TNRC6A: variants seen among roughly 807,000 people sequenced by gnomAD.
TNRC6A encodes trinucleotide repeat-containing gene 6A protein.
A neutral mutation model predicts 221.2 loss-of-function variants in TNRC6A; 44 were observed. The observed-to-expected ratio is 0.20, with a 90% CI of 0.16 to 0.26. The LOEUF is 0.26. Ranked by LOEUF, TNRC6A falls within the 10% of genes least tolerant of loss-of-function variation. TNRC6A has a pLI of 1.00. For missense variants in TNRC6A, 2,199 were observed against 2,404.4 expected, an observed-to-expected ratio of 0.91 and a Z score of 1.79; for synonymous variants, 847 against 838.5, an observed-to-expected ratio of 1.01 and a Z score of -0.18.
Position 24,816,970 on chromosome 16 carries a change from G to T in TNRC6A, c.4972+14G>T. 6.2e-7 allele frequency: 1 copy of T among 1,606,510 alleles called. No individual in the cohort carries two copies. Among genetic ancestry groups the T allele is most frequent in the African/African-American group, 1.3e-5 (1 of 74,748 alleles). Reference sequence around the variant, plus strand: ...ACAGGAACAGTGGTACGTAGGGGGTGCAAATCAATTTCTGAGTGACACTTA... The same window carrying T: ...ACAGGAACAGTGGTACGTAGGGGGTTCAAATCAATTTCTGAGTGACACTTA... On this transcript the variant is annotated intron_variant, in intron 20 of 24. Transcript: ENST00000395799.
chr16:24,799,903 G>T (rs1227517045), intron 11 of TNRC6A, among the ~76,000 whole-genome samples: 2 of 152,172 alleles, frequency 1.3e-5, no homozygotes, highest in African/African-American at 4.8e-5. Context: ...TCACTACTGG[G>T]TATGGAAATA....
intron 2 of TNRC6A, among the ~76,000 whole-genome samples, chr16:24,641,644 T>TA (rs1427485680): frequency 1.3e-5 from 2 of 152,214 alleles, no homozygotes; most frequent in Non-Finnish European, 2.9e-5. Context: ...CCAGTATTGA[T>TA]AAAACAAAAT....
intron 2 of TNRC6A, among the ~76,000 whole-genome samples, chr16:24,667,484 G>A (rs192375158): frequency 1.8e-4 from 27 of 152,276 alleles, no homozygotes; most frequent in East Asian, 7.7e-4. Context: ...GCAGGAAAAC[G>A]GATTTCTCTC....
chr16:24,764,362 T>G (rs2057427515), intron 4 of TNRC6A, among the ~76,000 whole-genome samples: 1 of 151,696 alleles, frequency 6.6e-6, no homozygotes, highest in Non-Finnish European at 1.5e-5. Context: ...AGTCTTGCTC[T>G]GTCGCCCAGG....
chr16:24,783,189 T>C (rs1401167957), intron 5 of TNRC6A, among the ~76,000 whole-genome samples: 5 of 151,958 alleles, frequency 3.3e-5, no homozygotes, highest in Non-Finnish European at 5.9e-5. Flanking sequence ...AGTGCAGTGG[T>C]GCGATCTCTG....
intron 22 of TNRC6A, 92 bp downstream of exon 22, chr16:24,820,452 A>G: frequency 8.8e-7 from 1 of 1,139,860 alleles, no homozygotes; most frequent in African/African-American, 1.5e-5. Context: ...CTGAACGGTA[A>G]ACTATTGCCT....
chr16:24,720,832 G>A (rs1021805117), intron 2 of TNRC6A, among the ~76,000 whole-genome samples: 63 of 150,260 alleles, frequency 4.2e-4, no homozygotes, highest in African/African-American at 1.4e-3. Context: ...TCAGGAGATC[G>A]AGACCATCCT....
At chr16:24,777,443 T>C (rs1315528006) in intron 5 of TNRC6A, 85 bp downstream of exon 5, 7 of 1,348,360 alleles carry the variant, frequency 5.2e-6, no homozygotes, top group East Asian at 2.3e-5. Context: ...TTTTTGGTGA[T>C]GTATTTGTAT....
Position 24,793,568 on chromosome 16 carries a change from TG to T in TNRC6A, c.3277del (p.Glu1093AsnfsTer22). ...WGKPIDSGPS[W>X]GEPIAAASST... ...TAAGCCCATAGACAGTGGTCCCAGC[TG>T]GGGGGAACCCATTGCTGCGGCATCC... On this transcript the variant is annotated frameshift_variant, in exon 7 of 25. Coordinates refer to ENST00000395799, the MANE Select transcript of TNRC6A (RefSeq NM_014494.4). LOFTEE classifies it high-confidence loss of function. 2.5e-6 allele frequency: 4 copies of T among 1,572,582 alleles called. No individual in the cohort carries two copies. In the South Asian group the frequency reaches 3.7e-5, roughly 14 times the overall value.
intron 2 of TNRC6A, among the ~76,000 whole-genome samples, chr16:24,703,592 C>T (rs77908636): frequency 0.026 from 3,889 of 152,246 alleles, 94 homozygotes; most frequent in East Asian, 0.1. Context: ...TCTAGAGAGA[C>T]AATTCCAGTG....
At chr16:24,727,940 A>G (rs1213117452), upstream of TNRC6A, among the ~76,000 whole-genome samples, 1 of 152,090 alleles carries the variant, frequency 6.6e-6, no homozygotes, top group Non-Finnish European at 1.5e-5. Flanking sequence ...TTTTTTCAAA[A>G]AAGTGTTTTT....
intron 2 of TNRC6A, among the ~76,000 whole-genome samples, chr16:24,684,137 C>T (rs2055582532): frequency 6.6e-6 from 1 of 152,178 alleles, no homozygotes; most frequent in African/African-American, 2.4e-5. Flanking sequence ...GGCACAATGG[C>T]TTATGCCTGT....
intron 2 of TNRC6A, among the ~76,000 whole-genome samples, chr16:24,716,416 C>T: frequency 6.6e-6 from 1 of 152,156 alleles, no homozygotes; most frequent in East Asian, 1.9e-4. Context: ...CGCCTGGAAT[C>T]CCAGCACTTT....
chr16:24,732,714 T>C (rs578048519), intron 2 of TNRC6A, among the ~76,000 whole-genome samples: 1 of 152,328 alleles, frequency 6.6e-6, no homozygotes, highest in South Asian at 2.1e-4. Context: ...AGATAATTTA[T>C]TATTTTGAGG....
intron 2 of TNRC6A, among the ~76,000 whole-genome samples, chr16:24,671,998 G>T (rs184722358): frequency 5.5e-4 from 83 of 152,290 alleles, no homozygotes; most frequent in South Asian, 8.3e-4. Flanking sequence ...GACATTTGAG[G>T]GACAGTTGGT....
Position 24,777,071 on chromosome 16 carries a change from A to G in TNRC6A, c.302A>G (p.Gln101Arg), listed in dbSNP as rs1297243962. ...NNQQPQQQQQQQQPQQQQPQQ... is the reference protein window; with the variant it reads ...NNQQPQQQQQRQQPQQQQPQQ... ...CAGCAGCCACAGCAGCAGCAGCAAC[A>G]GCAGCAGCCGCAGCAGCAGCAGCCA... Residue 101 changes from glutamine (Q) to arginine (R), a missense_variant, in exon 5 of 25, where the codon CAG (glutamine) becomes CGG (arginine). Gln to Arg is a conservative substitution (Grantham distance 43). Coordinates refer to ENST00000395799, the MANE Select transcript of TNRC6A (RefSeq NM_014494.4). 1 of 1,606,568 alleles carries G rather than the reference A, an allele frequency of 6.2e-7. No homozygotes were observed. Among genetic ancestry groups the G allele is most frequent in the African/African-American group, 1.3e-5 (1 of 74,292 alleles).
intron 2 of TNRC6A, among the ~76,000 whole-genome samples, chr16:24,691,774 G>C: frequency 7.8e-6 from 1 of 127,412 alleles, no homozygotes; most frequent in East Asian, 2.7e-4. Context: ...TCTCAAGAAA[G>C]AAAAAGAAAT....
intron 5 of TNRC6A, among the ~76,000 whole-genome samples, chr16:24,783,077 G>A (rs563825826): frequency 6.6e-6 from 1 of 152,080 alleles, no homozygotes; most frequent in African/African-American, 2.4e-5. Flanking sequence ...ATATTTAGAA[G>A]AAAAATATTT....
At chr16:24,738,697 C>T (rs2056825953) in intron 2 of TNRC6A, among the ~76,000 whole-genome samples, 2 of 152,144 alleles carry the variant, frequency 1.3e-5, no homozygotes, top group African/African-American at 4.8e-5. Context: ...AGTTAATGGG[C>T]ATTTGGGCTG....
Sources: gnomAD v4.1 joint callset for allele counts (sites outside exome capture counted in the v4.1 genomes callset) on GRCh38, gnomAD v4.1.1 for gene constraint, MANE v1.5 for transcripts, NCBI Gene and HGNC (gene_info 2026-07-23, HGNC 2026-07-21) for gene names.